The following LARGE1 variants were observed in gnomAD, a reference collection of about 807,000 sequenced individuals.
The protein encoded by LARGE1 is LARGE xylosyl- and glucuronyltransferase 1, also known as xylosyl- and glucuronyltransferase LARGE1.
A neutral mutation model predicts 87.6 loss-of-function variants in LARGE1; 43 were observed. The observed-to-expected ratio is 0.49, with a 90% confidence interval of 0.38 to 0.63. The LOEUF is 0.63. Ranked by LOEUF, LARGE1 falls within the 30% of genes least tolerant of loss-of-function variation. The pLI, the probability that LARGE1 is intolerant of heterozygous loss-of-function variation, is 0.00. For synonymous variants in LARGE1, 434 were observed against 394.6 expected (o/e 1.10, Z -1.18); for missense variants, 802 against 1,000.2 (o/e 0.80, Z 2.67).
chr22:33,736,501 T>A (rs1033145019), intron 2 of LARGE1, among the ~76,000 whole-genome samples: 1 of 152,258 alleles, frequency 6.6e-6, no homozygotes, highest in African/African-American at 2.4e-5. Context: ...CTTTTCATTG[T>A]TAAGTTATAA....
intron 7 of LARGE1, among the ~76,000 whole-genome samples, chr22:33,397,996 T>C (rs891749013): frequency 2.6e-4 from 40 of 152,182 alleles, no homozygotes; most frequent in Non-Finnish European, 5.4e-4. Context: ...TTGTCTGCCC[T>C]TTTTCTTACT....
intron 11 of LARGE1, among the ~76,000 whole-genome samples, chr22:33,183,601 A>AACACACACACAC (rs779274464): frequency 3.0e-4 from 31 of 104,196 alleles, no homozygotes; most frequent in African/African-American, 1.1e-3. Flanking sequence ...TGATGGATAA[A>AACACACACACAC]ACACACACAC....
chr22:33,165,196 A>G (rs987916859), exon 12 of LARGE1: 2 of 152,246 alleles, frequency 1.3e-5, no homozygotes, highest in Non-Finnish European at 2.9e-5. Context: ...TTACCCCAGA[A>G]GAACTTCGGG....
chr22:33,400,819 C>T (rs1351767822), intron 7 of LARGE1, among the ~76,000 whole-genome samples: 2 of 152,246 alleles, frequency 1.3e-5, no homozygotes, highest in African/African-American at 4.8e-5. Flanking sequence ...AAAACACATT[C>T]AGGGAGGTGT....
intron 3 of LARGE1, among the ~76,000 whole-genome samples, chr22:33,641,158 C>A (rs542862687): frequency 7.2e-5 from 11 of 152,158 alleles, no homozygotes; most frequent in South Asian, 2.1e-4. Flanking sequence ...CGGCTGGCAA[C>A]GGGCGGGTGC....
At chr22:33,244,780 G>C (rs1926679737) in intron 11 of LARGE1, among the ~76,000 whole-genome samples, 1 of 152,044 alleles carries the variant, frequency 6.6e-6, no homozygotes, top group African/African-American at 2.4e-5. Context: ...ATGTTGAAGT[G>C]GCGGAGCTCT....
chr22:33,076,009 A>T, the LARGE1 span, among the ~76,000 whole-genome samples: 187 of 152,314 alleles, frequency 1.2e-3, no homozygotes, highest in African/African-American at 4.3e-3. Context: ...AAACATCGAT[A>T]GGCTGGAAAG....
chr22:33,089,280 GTTCTTC>G, the LARGE1 span, among the ~76,000 whole-genome samples: 42 of 146,728 alleles, frequency 2.9e-4, 1 homozygote, highest in African/African-American at 8.9e-4. Context: ...TCTTCTTCTT[GTTCTTC>G]TTCTTCTTCT....
rs980540605 is a variant in LARGE1, at chr22:33,492,728, G to A, written c.788-60463C>T. On this transcript the variant is annotated intron_variant, in intron 6 of 14. Coordinates refer to ENST00000397394, the MANE Select transcript of LARGE1 (RefSeq NM_133642.5). ...TTGAAGTCTCAATTTTTAATCAATT[G>A]TGCACATTTTAAATTTTACCTCATA... 5.3e-5 allele frequency among the ~76,000 whole-genome samples: 8 copies of A among 152,148 alleles called. No homozygotes were observed. In the South Asian group the frequency reaches 1.2e-3, roughly 24 times the overall value.
At chr22:33,134,659 A>C in the LARGE1 span, among the ~76,000 whole-genome samples, 1 of 152,180 alleles carries the variant, frequency 6.6e-6, no homozygotes, top group African/African-American at 2.4e-5. Context: ...GACCTCCAGC[A>C]CACCCCAGGC....
chr22:33,783,691 A>G (rs924600775), intron 1 of LARGE1, among the ~76,000 whole-genome samples: 2 of 152,250 alleles, frequency 1.3e-5, no homozygotes, highest in African/African-American at 4.8e-5. Flanking sequence ...TCAAACAAGT[A>G]TCCATTGTGG....
At chr22:33,440,701 C>T (rs909326273) in intron 6 of LARGE1, among the ~76,000 whole-genome samples, 1 of 152,212 alleles carries the variant, frequency 6.6e-6, no homozygotes, top group African/African-American at 2.4e-5. Context: ...CCCAGGTGTT[C>T]CTGGCTAGTC....
chr22:33,815,335 G>A (rs940865862), intron 1 of LARGE1, among the ~76,000 whole-genome samples: 1 of 152,200 alleles, frequency 6.6e-6, no homozygotes, highest in Non-Finnish European at 1.5e-5. Context: ...TTGTCCAGCT[G>A]TTCAACGTGA....
rs1030028644 is a variant in LARGE1 at position 33,625,506 on chromosome 22, G to A, written c.491+738C>T. Among the ~76,000 whole-genome samples, 9 of 152,322 alleles carry A rather than the reference G, an allele frequency of 5.9e-5. No homozygotes were observed. In the East Asian group the frequency reaches 1.5e-3, roughly 26 times the overall value. On this transcript the variant is annotated intron_variant, in intron 4 of 14. Coordinates refer to ENST00000397394, the MANE Select transcript of LARGE1 (RefSeq NM_133642.5). ...GTTGGGAAACAGTTTAACTAAGGCAGGACTTTTTTACAGTCAGAAATGCCC... is the reference window on the plus strand; with the variant it reads ...GTTGGGAAACAGTTTAACTAAGGCAAGACTTTTTTACAGTCAGAAATGCCC...
chr22:33,183,666 T>C (rs1327138697), intron 11 of LARGE1, among the ~76,000 whole-genome samples: 1 of 144,716 alleles, frequency 6.9e-6, no homozygotes, highest in East Asian at 2.0e-4. Context: ...TATTTAGCCA[T>C]AAAAAAGAAG....
chr22:33,437,527 T>C (rs1305235110), intron 6 of LARGE1, among the ~76,000 whole-genome samples: 1 of 152,216 alleles, frequency 6.6e-6, no homozygotes, highest in Non-Finnish European at 1.5e-5. Flanking sequence ...TTTGTGCTTA[T>C]TCAAACATTA....
At chr22:33,336,086 T>A (rs1235248831) in intron 10 of LARGE1, among the ~76,000 whole-genome samples, 39 of 152,288 alleles carry the variant, frequency 2.6e-4, no homozygotes, top group Non-Finnish European at 4.4e-5. Context: ...ATACTAAGGG[T>A]CAAGGAAAGA....
chr22:33,519,858 G>C (rs5998989), intron 6 of LARGE1, among the ~76,000 whole-genome samples: 2,027 of 152,236 alleles, frequency 0.013, 51 homozygotes, highest in African/African-American at 0.047. Context: ...GTGTTCTTAA[G>C]CACAGGGGAA....
intron 6 of LARGE1, among the ~76,000 whole-genome samples, chr22:33,452,200 G>A (rs986245186): frequency 2.0e-5 from 3 of 152,184 alleles, no homozygotes; most frequent in African/African-American, 7.2e-5. Context: ...CAATGCGGGA[G>A]CTGGACCACA....
Sources: allele counts gnomAD v4.1 joint callset (sites outside exome capture counted in the v4.1 genomes callset), GRCh38; gene constraint gnomAD v4.1.1; transcripts MANE v1.5; gene names NCBI Gene and HGNC (gene_info 2026-07-23, HGNC 2026-07-21).